ZNF410: variants seen among roughly 807,000 people sequenced by gnomAD.
The protein encoded by ZNF410 is another partner for ARF 1.
In ZNF410, 18 loss-of-function variants were observed where a neutral mutation model predicts 54.8. The ratio of observed to expected loss-of-function variants is 0.33; its 90% CI spans 0.23 to 0.49. The LOEUF is 0.49. ZNF410 is among the 20% of genes least tolerant of loss of function. The pLI is 0.99. For missense variants in ZNF410, 405 were observed against 569.6 expected (o/e 0.71, Z 2.94); for synonymous variants, 191 against 207.3 (o/e 0.92, Z 0.68).
chr14:73,931,526 T>C lies in ZNF410; in HGVS notation c.1422T>C (p.Thr474=), dbSNP rs914130916. 5 of 1,607,406 alleles carry C rather than the reference T, an allele frequency of 3.1e-6. No individual in the cohort carries two copies. Among genetic ancestry groups the C allele is most frequent in the African/African-American group, 1.3e-5 (1 of 74,386 alleles). Residue 474 remains threonine (T), a synonymous_variant, in exon 12 of 12, where the codon ACT becomes ACC. Transcript: ENST00000555044. ...AGTTACTAAACCAAGGAGATTTAAC[T>C]GAAAGACGGACATGAGCGTGGGTGC... ...PQELLNQGDL[T]ERRT
In ZNF410 at chr14:73,891,089, A is replaced by G. The variant is rs577496489; in HGVS notation, c.-149-938A>G. Among the ~76,000 whole-genome samples the G allele has an allele frequency of 1.4e-3, 156 of 113,916 alleles. 4 individuals carry two copies. The highest frequency in any genetic ancestry group is 4.4e-3 in the African/African-American group (151 of 34,222). 74.7% of individuals were successfully genotyped at this position (113,916 alleles called of 152,430 possible). ...CTTTGGGAAACGCTCTTCAAATTTTAACTTTTTTTTTTTTAAATGTAATTT... is the reference window on the plus strand; with the variant it reads ...CTTTGGGAAACGCTCTTCAAATTTTGACTTTTTTTTTTTTAAATGTAATTT... On this transcript the variant is annotated intron_variant, in intron 1 of 11. Transcript: ENST00000555044.
intron 8 of ZNF410, 23 bp downstream of exon 8, chr14:73,909,453 T>A: frequency 6.2e-7 from 1 of 1,600,476 alleles, no homozygotes; most frequent in Non-Finnish European, 8.5e-7. Flanking sequence ...CTGCCATTCA[T>A]AGATTTTAGG....
rs1422512492 is a variant in ZNF410, at chr14:73,893,738, A to G, written c.34-59A>G. On this transcript the variant is annotated intron_variant, in intron 2 of 11. Transcript: ENST00000555044. ...TTAATATTATCTTTTGGTAAATTCA[A>G]AGGTTTAGATACATTTCTAACAACT... is the stretch of plus-strand genomic sequence containing the variant. 4 of 1,533,542 alleles carry G rather than the reference A, an allele frequency of 2.6e-6. No individual in the cohort carries two copies. In the African/African-American group the frequency reaches 4.2e-5, roughly 16 times the overall value. The allele number at this position is 1,533,542 out of a possible 1,614,324, so 95.0% of individuals were successfully genotyped here.
At chr14:73,924,468 C>G (rs1441642495) in intron 11 of ZNF410, among the ~76,000 whole-genome samples, 1 of 152,166 alleles carries the variant, frequency 6.6e-6, no homozygotes, top group Non-Finnish European at 1.5e-5. Flanking sequence ...ACTTTCAACT[C>G]TGTAGTTTGG....
Position 73,896,375 on chromosome 14 carries a change from A to G in ZNF410, c.229A>G (p.Ser77Gly). Residue 77 changes from serine to glycine, a missense_variant, in exon 4 of 12, where the codon AGC becomes GGC. This residue lies in a region of ZNF410 where 247 missense variants were observed against 342.8 expected (regional missense o/e 0.72). Transcript: ENST00000555044. ...KEVPSSAVLR[S>G]LRVNVGPDGE... The stretch of plus-strand genomic sequence containing the variant: ...GGTCCCTTCCTCAGCTGTTTTGAGA[A>G]GCCTTCGGGTGAATGTGGGTCCAGA... The G allele has an allele frequency of 6.2e-7, 1 of 1,614,182 alleles. No individual in the cohort carries two copies. The highest frequency in any genetic ancestry group is 8.5e-7 in the Non-Finnish European group (1 of 1,180,044).
intron 1 of ZNF410, among the ~76,000 whole-genome samples, chr14:73,889,775 T>G (rs1389380761): frequency 6.6e-6 from 1 of 151,478 alleles, no homozygotes; most frequent in Non-Finnish European, 1.5e-5. Context: ...GCATTTCCAT[T>G]TATATCTTGT....
At chr14:73,913,450 C>T (rs1312012546) in intron 8 of ZNF410, 1 of 152,152 alleles carries the variant, frequency 6.6e-6, no homozygotes, top group Non-Finnish European at 1.5e-5. Flanking sequence ...CTTTCCCTGG[C>T]TTCTTAAGCA....
At chr14:73,898,683 A>G (rs1251116581) in intron 5 of ZNF410, among the ~76,000 whole-genome samples, 2 of 152,258 alleles carry the variant, frequency 1.3e-5, no homozygotes, top group East Asian at 3.8e-4. Flanking sequence ...TAAAAATAAC[A>G]TTAAGTCATT....
intron 8 of ZNF410, chr14:73,915,892 T>C (rs931185246): frequency 6.6e-6 from 1 of 152,126 alleles, no homozygotes; most frequent in Non-Finnish European, 1.5e-5. Context: ...TTGGTCAGGG[T>C]GTATAGTCCT....
At chr14:73,911,754 G>C (rs1363895432) in intron 8 of ZNF410, among the ~76,000 whole-genome samples, 3 of 151,826 alleles carry the variant, frequency 2.0e-5, no homozygotes, top group Non-Finnish European at 4.4e-5. Context: ...TTTTAAAGTT[G>C]GTTTGTTTAA....
At chr14:73,894,292 G>A in intron 3 of ZNF410, 1 of 697,278 alleles carries the variant, frequency 1.4e-6, no homozygotes, top group South Asian at 1.5e-5. Context: ...AGAAATCATT[G>A]TATCAAATGC....
chr14:73,909,184 G>A (rs547759755), intron 7 of ZNF410, among the ~76,000 whole-genome samples, 157 bp from the exon 8 acceptor site: 109 of 152,258 alleles, frequency 7.2e-4, no homozygotes, highest in African/African-American at 2.5e-3. Flanking sequence ...TCATTGAGAG[G>A]CAACACTTGC....
intron 7 of ZNF410, among the ~76,000 whole-genome samples, chr14:73,906,932 A>C (rs910691269): frequency 6.6e-6 from 1 of 151,886 alleles, no homozygotes; most frequent in African/African-American, 2.4e-5. Flanking sequence ...CTCTTGTCAT[A>C]ATCTCAGGCC....
chr14:73,932,458 TCA>T lies in ZNF410; in HGVS notation c.*919_*920del. On this transcript the variant is annotated 3_prime_UTR_variant, in exon 12 of 12. Coordinates refer to ENST00000555044, the MANE Select transcript of ZNF410 (RefSeq NM_021188.3). Reference sequence around the variant, plus strand: ...TTAAGCCCAGGTGATAGTTACTCTGTCACCACCAAAAAAGACGCATCTGAGAA... The same window carrying T: ...TTAAGCCCAGGTGATAGTTACTCTGTCCACCAAAAAAGACGCATCTGAGAA... 2.2e-6 allele frequency: 1 copy of T among 455,282 alleles called. No individual in the cohort carries two copies. Among genetic ancestry groups the T allele is most frequent in the Non-Finnish European group, 4.4e-6 (1 of 226,650 alleles). The allele number at this position is 455,282 out of a possible 1,614,324, so 28.2% of individuals were successfully genotyped here.
chr14:73,931,268 T>C (rs1299826269), intron 11 of ZNF410, among the ~76,000 whole-genome samples: 1 of 152,146 alleles, frequency 6.6e-6, no homozygotes, highest in African/African-American at 2.4e-5. Flanking sequence ...GCTTATAGAC[T>C]CAGAATATTT....
intron 8 of ZNF410, among the ~76,000 whole-genome samples, chr14:73,910,166 G>T (rs1351199665): frequency 6.6e-6 from 1 of 152,308 alleles, no homozygotes; most frequent in East Asian, 1.9e-4. Flanking sequence ...GGCCTAAAAT[G>T]CCAGGAAGGA....
intron 8 of ZNF410, among the ~76,000 whole-genome samples, chr14:73,911,735 G>A (rs988909561): frequency 3.7e-4 from 57 of 152,014 alleles, no homozygotes; most frequent in African/African-American, 1.2e-3. Context: ...TACTTGTTTC[G>A]AAAATGTCTT....
At position 73,909,607 on chromosome 14, in the gene ZNF410, T is replaced by TGGG. The variant is rs34227581; in HGVS notation, c.1003+184_1003+186dup. The TGGG allele has an allele frequency of 1.7e-3, 763 of 438,436 alleles. 2 individuals carry two copies. Among genetic ancestry groups the TGGG allele is most frequent in the Admixed American group, 3.2e-3 (79 of 24,308 alleles). The allele number at this position is 438,436 out of a possible 1,614,324, so 27.2% of individuals were successfully genotyped here. On this transcript the variant is annotated intron_variant, in intron 8 of 11. Coordinates refer to ENST00000555044, the MANE Select transcript of ZNF410 (RefSeq NM_021188.3). ...GGCCCTTAATTCTTATAATCAAGGT[T>TGGG]GGGGGGGGGACATCTAATTATTATT...
At chr14:73,929,767 T>C (rs1180430770) in intron 11 of ZNF410, among the ~76,000 whole-genome samples, 1 of 151,650 alleles carries the variant, frequency 6.6e-6, no homozygotes, top group Non-Finnish European at 1.5e-5. Flanking sequence ...TAGTGAGCCA[T>C]GATCTTGCCA....
Sources: allele counts gnomAD v4.1 joint callset (sites outside exome capture counted in the v4.1 genomes callset), GRCh38; gene constraint gnomAD v4.1.1; regional missense constraint gnomAD v4.1.1; transcripts MANE v1.5; gene names NCBI Gene and HGNC (gene_info 2026-07-23, HGNC 2026-07-21).